The following NEBL variants were observed in gnomAD, a reference collection of about 807,000 sequenced individuals.
The protein encoded by NEBL is nebulette.
NEBL carries 122 observed loss-of-function variants against 140.2 expected under a neutral mutation model. That is an observed-to-expected ratio of 0.87 (90% confidence interval 0.75 to 1.01). The LOEUF (loss-of-function observed/expected upper bound fraction) is 1.01, where lower values mean the gene tolerates loss of function less well. Ranked by LOEUF, NEBL falls within the 50% of genes least tolerant of loss-of-function variation. The probability of loss-of-function intolerance (pLI) is 0.00; values close to 1 mark genes in which losing one functional copy is unlikely to be tolerated. For synonymous variants in NEBL, 436 were observed against 398.9 expected, an observed-to-expected ratio of 1.09 and a Z score of -1.11; for missense variants, 1,365 against 1,231.3, an observed-to-expected ratio of 1.11 and a Z score of -1.62.
chr10:21,241,107 T>C (rs565478706), intron 3 of NEBL, among the ~76,000 whole-genome samples: 1 of 152,282 alleles, frequency 6.6e-6, no homozygotes, highest in South Asian at 2.1e-4. Flanking sequence ...GATTGAAATA[T>C]GTTTCACTAC....
intron 4 of NEBL, among the ~76,000 whole-genome samples, chr10:20,907,178 T>C (rs1848127369): frequency 2.6e-5 from 4 of 152,154 alleles, no homozygotes; most frequent in African/African-American, 4.8e-5. Flanking sequence ...TTTAAGATAA[T>C]GATCTCAGGG....
At chr10:20,793,810 C>A (rs1042288146) in intron 26 of NEBL, among the ~76,000 whole-genome samples, 4 of 152,188 alleles carry the variant, frequency 2.6e-5, no homozygotes, top group African/African-American at 4.8e-5. Flanking sequence ...TCCACCTTGG[C>A]CTCCCAAAAT....
At chr10:21,193,498 A>C (rs1003896828) in intron 3 of NEBL, among the ~76,000 whole-genome samples, 18 of 152,288 alleles carry the variant, frequency 1.2e-4, no homozygotes, top group East Asian at 9.7e-4. Context: ...TTTAAGGGCT[A>C]CACTAGCTGT....
chr10:21,126,213 A>G, intron 2 of NEBL: 2 of 1,285,708 alleles, frequency 1.6e-6, no homozygotes, highest in Non-Finnish European at 2.2e-6. Flanking sequence ...AATAACAACT[A>G]CATTGCTGGT....
At chr10:20,938,505 A>G (rs903023580) in intron 4 of NEBL, among the ~76,000 whole-genome samples, 4 of 152,352 alleles carry the variant, frequency 2.6e-5, no homozygotes, top group African/African-American at 9.6e-5. Flanking sequence ...AGAGCAGAAA[A>G]GCTGAAAATT....
At chr10:21,126,985 A>G (rs1172164367) in intron 2 of NEBL, among the ~76,000 whole-genome samples, 1 of 151,174 alleles carries the variant, frequency 6.6e-6, no homozygotes, top group East Asian at 1.9e-4. Flanking sequence ...AAAAAAAAAA[A>G]AAAAAAAAAA....
At chr10:20,850,327 C>G (rs1317804163) in intron 11 of NEBL, 68 bp downstream of exon 11, 1 of 1,265,968 alleles carries the variant, frequency 7.9e-7, no homozygotes, top group Non-Finnish European at 1.2e-6. Context: ...ACTGAACATT[C>G]TGCGTCCTTT....
intron 3 of NEBL, among the ~76,000 whole-genome samples, chr10:21,207,495 G>A (rs191642296): frequency 6.6e-6 from 1 of 152,146 alleles, no homozygotes; most frequent in East Asian, 1.9e-4. Context: ...ACCCAGATTT[G>A]GTTTTTGTAT....
At chr10:20,795,394 T>G (rs1836410178) in intron 26 of NEBL, among the ~76,000 whole-genome samples, 1 of 152,206 alleles carries the variant, frequency 6.6e-6, no homozygotes, top group South Asian at 2.1e-4. Context: ...TGATGAGGTA[T>G]GCTAAAACAT....
chr10:21,168,517 T>C (rs535069059), intron 2 of NEBL, among the ~76,000 whole-genome samples: 3 of 152,196 alleles, frequency 2.0e-5, no homozygotes, highest in Non-Finnish European at 4.4e-5. Context: ...GTATGAGCGC[T>C]GATTGGATCC....
intron 4 of NEBL, among the ~76,000 whole-genome samples, chr10:20,935,086 G>A (rs1184495750): frequency 4.6e-5 from 7 of 152,072 alleles, no homozygotes; most frequent in Non-Finnish European, 1.0e-4. Flanking sequence ...AAATATGACT[G>A]GCCACATTCC....
intron 1 of NEBL, among the ~76,000 whole-genome samples, chr10:21,278,991 C>G (rs1842958058): frequency 6.6e-6 from 1 of 152,156 alleles, no homozygotes; most frequent in South Asian, 2.1e-4. Context: ...GTTCATAGCC[C>G]CAGCGCCATG....
At chr10:21,151,653 G>A (rs1840141743) in intron 2 of NEBL, among the ~76,000 whole-genome samples, 1 of 152,026 alleles carries the variant, frequency 6.6e-6, no homozygotes, top group Admixed American at 6.6e-5. Flanking sequence ...ACCGTCCCCA[G>A]GCCCCTTCCT....
At chr10:21,106,398 A>G (rs1227966580) in intron 2 of NEBL, among the ~76,000 whole-genome samples, 3 of 152,092 alleles carry the variant, frequency 2.0e-5, no homozygotes, top group African/African-American at 7.2e-5. Context: ...TCAGCTTTCT[A>G]CACGTGGCTA....
At chr10:21,117,726 G>C (rs186134760) in intron 2 of NEBL, among the ~76,000 whole-genome samples, 1 of 152,134 alleles carries the variant, frequency 6.6e-6, no homozygotes, top group East Asian at 1.9e-4. Context: ...TCTCTCTATA[G>C]CTAAAAAGCT....
chr10:21,206,784 GC>G (rs1269730590), intron 3 of NEBL, among the ~76,000 whole-genome samples: 2 of 152,050 alleles, frequency 1.3e-5, no homozygotes, highest in Non-Finnish European at 2.9e-5. Context: ...AGATGAAGAA[GC>G]TGTATTCCCA....
intron 2 of NEBL, among the ~76,000 whole-genome samples, chr10:20,891,717 A>T (rs188138682): frequency 7.9e-4 from 121 of 152,224 alleles, no homozygotes; most frequent in Middle Eastern, 3.4e-3. Context: ...AAAGATACAC[A>T]TATTTGTATA....
intron 1 of NEBL, among the ~76,000 whole-genome samples, chr10:21,270,204 T>C (rs1012737601): frequency 1.3e-5 from 2 of 152,300 alleles, no homozygotes; most frequent in African/African-American, 2.4e-5. Flanking sequence ...CTGTGAGAAA[T>C]ATTAATTTCT....
At chr10:20,899,454 C>A (rs1398610940), upstream of NEBL, 4 of 1,292,600 alleles carry the variant, frequency 3.1e-6, no homozygotes, top group Non-Finnish European at 4.1e-6. Context: ...CACTGTGCTG[C>A]AAGAAAATAA....
Sources: gnomAD v4.1 joint callset for allele counts (sites outside exome capture counted in the v4.1 genomes callset) on GRCh38, gnomAD v4.1.1 for gene constraint, MANE v1.5 for transcripts, NCBI Gene and HGNC (gene_info 2026-07-23, HGNC 2026-07-21) for gene names.